The following SIPA1L1 variants were observed in gnomAD, a reference collection of about 807,000 sequenced individuals.
The protein encoded by SIPA1L1 is signal induced proliferation associated 1 like 1, also known as signal-induced proliferation-associated 1-like protein 1.
In SIPA1L1, 26 loss-of-function variants were observed where a neutral mutation model predicts 162.7. That is an observed-to-expected ratio of 0.16 (90% CI 0.12 to 0.22). SIPA1L1 has a LOEUF of 0.22. Among genes scored for constraint, SIPA1L1 ranks in the 10% least tolerant of loss-of-function variants. The pLI is 1.00. For synonymous variants in SIPA1L1, 829 were observed against 837.4 expected (o/e 0.99, Z 0.17); for missense variants, 1,874 against 2,241.0 (o/e 0.84, Z 3.31).
chr14:71,716,759 G>T (rs976544042), intron 17 of SIPA1L1, among the ~76,000 whole-genome samples: 7 of 152,160 alleles, frequency 4.6e-5, no homozygotes. Flanking sequence ...TGGTCATCTA[G>T]CATCCCCTCC....
rs1372627647 is a variant in SIPA1L1 at position 71,671,448 on chromosome 14, C to T, written c.2585C>T (p.Ala862Val). 3.7e-6 allele frequency: 6 copies of T among 1,614,142 alleles called. 1 individual carries two copies. The South Asian group carries it at 4.4e-5, about 12-fold the overall frequency. ...AGCAGCATGGGGGCCATTGTATGGG[C>T]AGTCCGGGCTGAAGACTACAACAAG... ...ELSSMGAIVW[A>V]VRAEDYNKAM... Residue 862 changes from alanine (A) to valine (V), a missense_variant, in exon 11 of 24, where the codon GCA becomes GTA. By Grantham distance (64) the Ala-to-Val change is moderately conservative. Coordinates refer to ENST00000381232, the MANE Select transcript of SIPA1L1 (RefSeq NM_001386936.1).
intron 15 of SIPA1L1, chr14:71,704,750 A>C (rs2082323899): frequency 1.2e-6 from 2 of 1,613,076 alleles, no homozygotes; most frequent in Non-Finnish European, 1.7e-6. Context: ...TCAGGATTTC[A>C]ATTCTTTTGT....
At chr14:71,330,482 G>C in intron 2 of SIPA1L1, 2 of 1,605,784 alleles carry the variant, frequency 1.2e-6, no homozygotes, top group South Asian at 1.1e-5. Context: ...GCTAGAACTT[G>C]GTCCCCTTCC....
At chr14:71,324,741 TTC>T (rs1314966079) in intron 2 of SIPA1L1, among the ~76,000 whole-genome samples, 10 of 152,250 alleles carry the variant, frequency 6.6e-5, no homozygotes, top group African/African-American at 2.2e-4. Flanking sequence ...CATCTTTTTC[TTC>T]TCTTTTTAAA....
chr14:71,685,669 G>T, intron 13 of SIPA1L1, 38 bp downstream of exon 13: 1 of 1,607,456 alleles, frequency 6.2e-7, no homozygotes, highest in South Asian at 1.1e-5. Context: ...ATCTCTCTCT[G>T]CCCCAAATGT....
chr14:71,415,704 T>TA (rs1032340513), intron 2 of SIPA1L1, among the ~76,000 whole-genome samples: 50 of 149,052 alleles, frequency 3.4e-4, no homozygotes, highest in African/African-American at 1.2e-3. Context: ...TCTTAATTAT[T>TA]TTTTTTTTTT....
intron 2 of SIPA1L1, among the ~76,000 whole-genome samples, chr14:71,323,729 C>G (rs1349163133): frequency 6.6e-6 from 1 of 151,926 alleles, no homozygotes; most frequent in Non-Finnish European, 1.5e-5. Flanking sequence ...TATTCCTAAC[C>G]TTTTGAGTGG....
intron 2 of SIPA1L1, among the ~76,000 whole-genome samples, chr14:71,413,197 A>G (rs2042528236): frequency 6.6e-6 from 1 of 152,194 alleles, no homozygotes; most frequent in Admixed American, 6.5e-5. Context: ...AGATGTTGCA[A>G]GATGTCACCT....
chr14:71,380,128 G>A (rs1348175114), intron 2 of SIPA1L1, among the ~76,000 whole-genome samples: 1 of 152,106 alleles, frequency 6.6e-6, no homozygotes, highest in African/African-American at 2.4e-5. Flanking sequence ...GTTGTTAAGG[G>A]TATCTTACTT....
intron 2 of SIPA1L1, among the ~76,000 whole-genome samples, chr14:71,337,444 G>T (rs1002026811): frequency 3.3e-5 from 5 of 152,126 alleles, no homozygotes; most frequent in African/African-American, 4.8e-5. Context: ...GTTCCACATG[G>T]CTGGGGAAGC....
At chr14:71,522,004 G>A (rs2052404651) in intron 3 of SIPA1L1, among the ~76,000 whole-genome samples, 1 of 152,142 alleles carries the variant, frequency 6.6e-6, no homozygotes, top group Non-Finnish European at 1.5e-5. Flanking sequence ...TTCCTGCTGT[G>A]CAAAAGTCAT....
At chr14:71,460,789 A>G in intron 2 of SIPA1L1, among the ~76,000 whole-genome samples, 1 of 152,286 alleles carries the variant, frequency 6.6e-6, no homozygotes, top group East Asian at 1.9e-4. Context: ...TGTGGGAGAA[A>G]CAGTACCATA....
At chr14:71,564,792 C>G (rs911937784) in intron 4 of SIPA1L1, among the ~76,000 whole-genome samples, 1 of 152,090 alleles carries the variant, frequency 6.6e-6, no homozygotes, top group Non-Finnish European at 1.5e-5. Context: ...CCCGGCCATC[C>G]TTGGCATTTT....
At chr14:71,722,829 G>A (rs774440983) in intron 17 of SIPA1L1, among the ~76,000 whole-genome samples, 21 of 152,110 alleles carry the variant, frequency 1.4e-4, no homozygotes, top group Admixed American at 3.3e-4. Flanking sequence ...TCTGCCTCCC[G>A]GGTTCAAGCG....
chr14:71,614,990 G>A lies in SIPA1L1; in HGVS notation c.1499-3767G>A, dbSNP rs909880760. On this transcript the variant is annotated intron_variant, in intron 5 of 23. Transcript: ENST00000381232. ...GTTCTTGAGATATATTAAATATTTG[G>A]TTTTAATAATTTGTGTTGTTATGAA... Among the ~76,000 whole-genome samples, 17 of 151,864 alleles carry A rather than the reference G, an allele frequency of 1.1e-4. 1 individual carries two copies. The South Asian group carries it at 3.5e-3, about 32-fold the overall frequency.
At chr14:71,383,186 A>G (rs1390297391) in intron 2 of SIPA1L1, among the ~76,000 whole-genome samples, 6 of 152,234 alleles carry the variant, frequency 3.9e-5, no homozygotes, top group African/African-American at 1.4e-4. Flanking sequence ...TTTCCTCATA[A>G]CAATAACATA....
At chr14:71,704,740 T>A (rs1218522035) in intron 15 of SIPA1L1, 2 of 1,612,950 alleles carry the variant, frequency 1.2e-6, no homozygotes, top group Admixed American at 3.3e-5. Flanking sequence ...ATAGAGGACC[T>A]CAGGATTTCA....
Position 71,730,268 on chromosome 14 carries a change from C to T in SIPA1L1, c.4828C>T (p.Pro1610Ser). 1 of 1,614,122 alleles carries T rather than the reference C, an allele frequency of 6.2e-7. No individual in the cohort carries two copies. Among genetic ancestry groups the T allele is most frequent in the Non-Finnish European group, 8.5e-7 (1 of 1,179,980 alleles). The change falls in exon 20 of 24, where the codon CCT becomes TCT. Residue 1610 changes from proline (P) to serine (S), a missense_variant. By Grantham distance (74) the Pro-to-Ser change is moderately conservative. Transcript: ENST00000381232. ...SLPKSLPLRR[P>S]SYTLGMKSLH... ...CCCCAAGTCGCTCCCGTTGAGGAGG[C>T]CTTCTTACACCTTAGGAATGAAATC...
At chr14:71,332,324 T>G (rs1437551870) in intron 2 of SIPA1L1, among the ~76,000 whole-genome samples, 2 of 152,178 alleles carry the variant, frequency 1.3e-5, no homozygotes. Flanking sequence ...ACTCTTCTAG[T>G]GACTTATGTG....
Sources: allele counts gnomAD v4.1 joint callset (sites outside exome capture counted in the v4.1 genomes callset), GRCh38; gene constraint gnomAD v4.1.1; transcripts MANE v1.5; gene names NCBI Gene and HGNC (gene_info 2026-07-23, HGNC 2026-07-21).